The following C4orf50 variants were observed in gnomAD, a reference collection of about 807,000 sequenced individuals.
C4orf50 encodes the protein chromosome 4 open reading frame 50, also known as uncharacterized protein C4orf50.
A neutral mutation model predicts 77.2 loss-of-function variants in C4orf50; 80 were observed. The ratio of observed to expected loss-of-function variants is 1.04; its 90% CI spans 0.87 to 1.25. The LOEUF is 1.25. C4orf50 is among the 50% of genes most tolerant of loss of function. The pLI, the probability that C4orf50 is intolerant of heterozygous loss-of-function variation, is 0.00. For missense variants in C4orf50, 1,257 were observed against 1,152.9 expected, an observed-to-expected ratio of 1.09 and a Z score of -1.31; for synonymous variants, 532 against 465.3, an observed-to-expected ratio of 1.14 and a Z score of -1.84.
intron 25 of C4orf50, among the ~76,000 whole-genome samples, chr4:6,006,819 G>C (rs1308070887): frequency 6.6e-6 from 1 of 152,184 alleles, no homozygotes; most frequent in East Asian, 1.9e-4. Flanking sequence ...GGGGACTGAG[G>C]CTGCAAAGAC....
intron 23 of C4orf50, among the ~76,000 whole-genome samples, chr4:6,012,619 A>G (rs1307878393): frequency 6.6e-6 from 1 of 152,200 alleles, no homozygotes; most frequent in African/African-American, 2.4e-5. Context: ...TGGCTAAGTC[A>G]CAGGAAGACT....
chr4:6,004,291 G>GATAGTT (rs1722102140), intron 25 of C4orf50, among the ~76,000 whole-genome samples: 1 of 72,036 alleles, frequency 1.4e-5, no homozygotes. Flanking sequence ...TGATGTTGGT[G>GATAGTT]ATGATGGTGA....
exon 28 of C4orf50, chr4:5,989,652 C>A (rs1284786139): frequency 6.5e-7 from 1 of 1,536,114 alleles, no homozygotes; most frequent in Admixed American, 2.0e-5. Context: ...TGAGTGCACA[C>A]CTGTTGTGTC....
chr4:5,990,138 C>T, exon 28 of C4orf50: 1 of 1,267,188 alleles, frequency 7.9e-7, no homozygotes, highest in Non-Finnish European at 9.9e-7. Flanking sequence ...CGGGACCCTC[C>T]TTTGATACTG....
intron 33 of C4orf50, among the ~76,000 whole-genome samples, chr4:5,964,267 C>T (rs1183835579): frequency 1.3e-5 from 2 of 152,154 alleles, no homozygotes; most frequent in African/African-American, 4.8e-5. Flanking sequence ...CTCTCAAATA[C>T]TCAACAGGCT....
chr4:5,972,196 G>C (rs997597844), intron 31 of C4orf50, among the ~76,000 whole-genome samples: 53 of 151,900 alleles, frequency 3.5e-4, no homozygotes, highest in African/African-American at 1.3e-3. Flanking sequence ...GTAGAGACGG[G>C]GTTTCACCAT....
chr4:5,902,742 A>G (rs1716394582), intron 7 of C4orf50: 1 of 152,082 alleles, frequency 6.6e-6, no homozygotes, highest in African/African-American at 2.4e-5. Flanking sequence ...AATTGCATTC[A>G]ATGGTCAATG....
In C4orf50 at chr4:6,000,632, T is replaced by C. The variant is rs1183534503; in HGVS notation, c.964-6156A>G. Among the ~76,000 whole-genome samples, 2 of 152,054 alleles carry C rather than the reference T, an allele frequency of 1.3e-5. No homozygotes were observed. The highest frequency in any genetic ancestry group is 2.9e-5 in the Non-Finnish European group (2 of 68,018). On this transcript the variant is annotated intron_variant, in intron 25 of 33. Transcript: ENST00000531445. The surrounding 1 kb of genome is among the most constrained non-coding windows in gnomAD (Gnocchi z 6.0). Reference sequence around the variant, plus strand: ...CATTTCCTTGCCTTTCCTCTGCCCCTACCTCCTTCACCCAATCTGTTTTGT... The same window carrying C: ...CATTTCCTTGCCTTTCCTCTGCCCCCACCTCCTTCACCCAATCTGTTTTGT...
Position 5,932,479 on chromosome 4 carries a change from T to G in C4orf50, c.*2474+24422A>C, listed in dbSNP as rs116408473. Among the ~76,000 whole-genome samples the G allele has an allele frequency of 4.7e-3, 721 of 152,290 alleles. 6 individuals are homozygous for G. The highest frequency in any genetic ancestry group is 0.016 in the African/African-American group (681 of 41,566). ...TACAGTGTTTGTTTGTTTTGGAGCC[T>G]GGCTGGAGTGCCGTGGCTCCATCAC... On this transcript the variant is annotated intron_variant, in intron 7 of 7. Transcript: ENST00000324058. The surrounding 1 kb of genome is among the most constrained non-coding windows in gnomAD (Gnocchi z 4.2).
intron 23 of C4orf50, among the ~76,000 whole-genome samples, chr4:6,016,130 C>G (rs1722675712): frequency 6.6e-6 from 1 of 152,148 alleles, no homozygotes; most frequent in Admixed American, 6.5e-5. Flanking sequence ...GAGCCTTTCA[C>G]ATTTATTTCA....
intron 31 of C4orf50, among the ~76,000 whole-genome samples, chr4:5,971,285 C>T (rs1271370752): frequency 3.3e-5 from 5 of 152,210 alleles, no homozygotes; most frequent in African/African-American, 4.8e-5. Context: ...GCACTGGACC[C>T]GCTTCCTGCC....
chr4:5,957,876 A>C (rs1049941754), exon 34 of C4orf50: 2 of 152,200 alleles, frequency 1.3e-5, no homozygotes, highest in African/African-American at 4.8e-5. Context: ...ATTGTACAAC[A>C]TAAGTCACAT....
chr4:5,934,667 A>C (rs1018037930), intron 7 of C4orf50, among the ~76,000 whole-genome samples: 7 of 152,208 alleles, frequency 4.6e-5, no homozygotes, highest in African/African-American at 1.7e-4. Context: ...CTGGAGCACA[A>C]GCCTCCCTTC....
intron 25 of C4orf50, among the ~76,000 whole-genome samples, chr4:6,004,232 GTGATGATGA>G (rs1430261732): frequency 2.2e-5 from 1 of 46,208 alleles, no homozygotes; most frequent in Admixed American, 2.4e-4. Flanking sequence ...TGATGTGATG[GTGATGATGA>G]TGGTGATGAT....
chr4:5,954,579 G>A (rs1179719767), downstream of C4orf50, among the ~76,000 whole-genome samples: 1 of 152,146 alleles, frequency 6.6e-6, no homozygotes, highest in Non-Finnish European at 1.5e-5. The surrounding 1 kb of genome is among the most constrained non-coding windows in gnomAD (Gnocchi z 4.7). Context: ...TTCCCACCTA[G>A]GCCTCCACGG....
chr4:6,003,768 A>ATGATGGTGATGATGG, intron 25 of C4orf50, among the ~76,000 whole-genome samples: 3 of 102,372 alleles, frequency 2.9e-5, no homozygotes, highest in African/African-American at 8.6e-5. Context: ...TGTGATAGTG[A>ATGATGGTGATGATGG]TGATGGTGAT....
chr4:5,951,412 T>C (rs1359521667), intron 7 of C4orf50, among the ~76,000 whole-genome samples: 2 of 152,132 alleles, frequency 1.3e-5, no homozygotes, highest in Non-Finnish European at 2.9e-5. Flanking sequence ...AGAGGTTATG[T>C]CACTTTAGAT....
chr4:5,978,370 T>C (rs1327425748), intron 29 of C4orf50, among the ~76,000 whole-genome samples: 1 of 152,138 alleles, frequency 6.6e-6, no homozygotes, highest in Non-Finnish European at 1.5e-5. Flanking sequence ...ATAGACTAAC[T>C]GAAATTAAGA....
chr4:5,999,766 G>A lies in C4orf50; in HGVS notation c.964-5290C>T, dbSNP rs983772972. On this transcript the variant is annotated intron_variant, in intron 25 of 33. Coordinates refer to ENST00000531445, the Ensembl canonical transcript of C4orf50. ...CACCAGAGGTGGCTCATGTCACCTC[G>A]GGGGCACTGAGCTGACGTGAGATCA... Among the ~76,000 whole-genome samples, 6 of 152,272 alleles carry A rather than the reference G, an allele frequency of 3.9e-5. No homozygotes were observed. The South Asian group carries it at 1.0e-3, about 26-fold the overall frequency.
Sources: gnomAD v4.1 joint callset for allele counts (sites outside exome capture counted in the v4.1 genomes callset) on GRCh38, gnomAD v4.1.1 for gene constraint, Gnocchi (gnomAD v3.1) non-coding constraint, MANE v1.5 for transcripts, NCBI Gene and HGNC (gene_info 2026-07-23, HGNC 2026-07-21) for gene names.